The following COL27A1 variants were observed in gnomAD, a reference collection of about 807,000 sequenced individuals.
The protein encoded by COL27A1 is collagen type XXVII alpha 1 chain.
Under a neutral mutation model 251.3 loss-of-function variants are expected in COL27A1, and 106 were observed. The observed-to-expected ratio is 0.42, with a 90% CI of 0.36 to 0.50. The LOEUF is 0.50. Among genes scored for constraint, COL27A1 ranks in the 20% least tolerant of loss-of-function variants. The pLI is 0.00. For missense variants in COL27A1, 2,325 were observed against 2,522.8 expected (o/e 0.92, Z 1.68); for synonymous variants, 1,000 against 986.3 (o/e 1.01, Z -0.26).
chr9:114,310,202 C>T (rs562243123), intron 60 of COL27A1, among the ~76,000 whole-genome samples: 1 of 152,150 alleles, frequency 6.6e-6, no homozygotes, highest in African/African-American at 2.4e-5. Flanking sequence ...TGTACCCAAA[C>T]CCCACCTGTT....
At chr9:114,215,263 T>C (rs1439859552) in intron 12 of COL27A1, among the ~76,000 whole-genome samples, 2 of 152,250 alleles carry the variant, frequency 1.3e-5, no homozygotes, top group Admixed American at 1.3e-4. Context: ...TTCATGGCTC[T>C]TTCCAGTTCT....
intron 3 of COL27A1, among the ~76,000 whole-genome samples, chr9:114,169,864 G>GAA (rs1276449898): frequency 1.3e-5 from 2 of 152,260 alleles, no homozygotes; most frequent in Admixed American, 1.3e-4. Flanking sequence ...CCAGCTCATG[G>GAA]AGCAGGGGTC....
intron 5 of COL27A1, among the ~76,000 whole-genome samples, chr9:114,186,862 G>C (rs1046886405): frequency 6.6e-6 from 1 of 152,226 alleles, no homozygotes; most frequent in African/African-American, 2.4e-5. Context: ...CCATGGTGGA[G>C]TCAGGTGGGA....
intron 12 of COL27A1, chr9:114,218,097 A>C: frequency 1.1e-5 from 3 of 262,456 alleles, no homozygotes; most frequent in South Asian, 4.0e-5. Flanking sequence ...ACAGAGTGAG[A>C]CCCTGTATCA....
chr9:114,219,705 T>C, intron 12 of COL27A1, 86 bp from the exon 13 acceptor site: 1 of 922,668 alleles, frequency 1.1e-6, no homozygotes, highest in Non-Finnish European at 1.8e-6. Flanking sequence ...ATTGTCCTTG[T>C]GTCCCCCCTG....
chr9:114,155,052 C>A (rs904395292), upstream of COL27A1, among the ~76,000 whole-genome samples: 1 of 151,950 alleles, frequency 6.6e-6, no homozygotes, highest in Non-Finnish European at 1.5e-5. The surrounding 1 kb of genome is among the most constrained non-coding windows in gnomAD (Gnocchi z 5.5). Context: ...AAACCCTTAA[C>A]AAGCCCACCC....
chr9:114,190,682 C>A (rs1218448898), intron 5 of COL27A1, among the ~76,000 whole-genome samples: 1 of 152,232 alleles, frequency 6.6e-6, no homozygotes, highest in Non-Finnish European at 1.5e-5. Context: ...AAGGTATTCA[C>A]CATAGTTCCC....
chr9:114,183,607 G>C (rs961819929), intron 5 of COL27A1, among the ~76,000 whole-genome samples: 5 of 152,112 alleles, frequency 3.3e-5, no homozygotes, highest in Non-Finnish European at 7.4e-5. Context: ...CAAGGTGAGA[G>C]ACAGTTACAA....
chr9:114,168,198 C>A lies in COL27A1; in HGVS notation c.643C>A (p.Gln215Lys), dbSNP rs751595585. 24 of 1,613,824 alleles carry A rather than the reference C, an allele frequency of 1.5e-5. No individual in the cohort carries two copies. In the Admixed American group the frequency reaches 1.7e-4, roughly 11 times the overall value. The change falls in exon 3 of 61, where the codon CAG becomes AAG. Residue 215 changes from glutamine (Q) to lysine (K), a missense_variant. Physicochemically the swap from Gln to Lys is moderately conservative, Grantham distance 53. Around this residue, in one of 4 missense-constraint regions of COL27A1, gnomAD observed 1,183 missense variants for 1,144.1 expected, o/e 1.03. Coordinates refer to ENST00000356083, the MANE Select transcript of COL27A1 (RefSeq NM_032888.4). ...HAVQFEGALCQFSIYPVTQVA... is the reference protein window; with the variant it reads ...HAVQFEGALCKFSIYPVTQVA... ...AGTCCAGTTTGAAGGTGCTCTCTGC[C>A]AGTTCAGTATCTACCCTGTGACGCA...
intron 56 of COL27A1, among the ~76,000 whole-genome samples, chr9:114,302,452 C>T (rs572518256): frequency 2.0e-5 from 3 of 152,232 alleles, no homozygotes; most frequent in East Asian, 3.9e-4. Context: ...TGGGGCCGGG[C>T]GCAGTGGCTC....
intron 12 of COL27A1, among the ~76,000 whole-genome samples, chr9:114,213,361 G>A (rs757218221): frequency 4.6e-5 from 7 of 152,102 alleles, no homozygotes; most frequent in Admixed American, 1.3e-4. Flanking sequence ...CCATGTACCT[G>A]TGTTCTTCTT....
At chr9:114,271,139 C>G in intron 36 of COL27A1, 1 of 266,258 alleles carries the variant, frequency 3.8e-6, no homozygotes, top group Non-Finnish European at 7.0e-6. Context: ...TCTAGAAGGT[C>G]AGGAAAATAA....
chr9:114,229,901 G>C (rs1023308860), intron 14 of COL27A1, among the ~76,000 whole-genome samples: 1 of 152,156 alleles, frequency 6.6e-6, no homozygotes, highest in Non-Finnish European at 1.5e-5. Context: ...CGTGGCGGGG[G>C]CTGTTCTGTG....
chr9:114,288,948 C>G lies in COL27A1; in HGVS notation c.4133C>G (p.Pro1378Arg). 1 of 1,613,694 alleles carries G rather than the reference C, an allele frequency of 6.2e-7. No individual in the cohort carries two copies. The highest frequency in any genetic ancestry group is 8.5e-7 in the Non-Finnish European group (1 of 1,179,996). ...QEGVQGLRGK[P>R]GQQGQPGHPG... ...GGTGTGCAAGGCCTCCGTGGAAAGC[C>G]AGGCCAGCAGGGCCAACCCGTGAGT... Residue 1378 changes from proline to arginine, a missense_variant, in exon 44 of 61, where the codon CCA becomes CGA. This residue lies in a region of COL27A1 where 662 missense variants were observed against 795.3 expected (regional missense o/e 0.83). Transcript: ENST00000356083.
intron 45 of COL27A1, 143 bp from the exon 46 acceptor site, chr9:114,289,915 T>C: frequency 1.0e-6 from 1 of 957,662 alleles, no homozygotes; most frequent in South Asian, 1.4e-5. Context: ...GGCCCCAGGC[T>C]TCCAGGCCAG....
intron 26 of COL27A1, 40 bp from the exon 27 acceptor site, chr9:114,252,839 T>G: frequency 6.3e-7 from 1 of 1,597,416 alleles, no homozygotes; most frequent in Admixed American, 1.7e-5. Flanking sequence ...GGAGGAAGCT[T>G]CCATAGCTGA....
At chr9:114,227,867 C>T (rs60626728) in intron 14 of COL27A1, among the ~76,000 whole-genome samples, 10,423 of 152,196 alleles carry the variant, frequency 0.068, 384 homozygotes, top group Middle Eastern at 0.11. Flanking sequence ...GCGTCTGGTA[C>T]ACAGTAGACG....
intron 41 of COL27A1, among the ~76,000 whole-genome samples, chr9:114,286,952 C>G (rs973556376): frequency 4.6e-5 from 7 of 152,158 alleles, no homozygotes; most frequent in African/African-American, 1.7e-4. Flanking sequence ...CACAGAGTGC[C>G]TGGCACATGG....
intron 2 of COL27A1, among the ~76,000 whole-genome samples, chr9:114,163,525 G>A (rs1197652475): frequency 2.6e-5 from 4 of 152,342 alleles, no homozygotes; most frequent in East Asian, 1.9e-4. Flanking sequence ...GGGGGCCGGG[G>A]CAGCGATGGG....
Sources: allele counts gnomAD v4.1 joint callset (sites outside exome capture counted in the v4.1 genomes callset), GRCh38; gene constraint gnomAD v4.1.1; regional missense constraint gnomAD v4.1.1; non-coding constraint Gnocchi (gnomAD v3.1); transcripts MANE v1.5; gene names NCBI Gene and HGNC (gene_info 2026-07-23, HGNC 2026-07-21).